The following SDCCAG8 variants were observed in gnomAD, a reference collection of about 807,000 sequenced individuals.
The protein encoded by SDCCAG8 is serologically defined colon cancer antigen 8.
SDCCAG8 carries 74 observed loss-of-function variants against 101.8 expected under a neutral mutation model. The ratio of observed to expected loss-of-function variants is 0.73; its 90% confidence interval spans 0.60 to 0.88. The LOEUF (loss-of-function observed/expected upper bound fraction) is 0.88, where lower values mean the gene tolerates loss of function less well. Among genes scored for constraint, SDCCAG8 ranks in the 40% least tolerant of loss-of-function variants. The pLI is 0.00. For missense variants in SDCCAG8, 787 were observed against 822.6 expected (o/e 0.96, Z 0.53); for synonymous variants, 281 against 292.9 (o/e 0.96, Z 0.41).
chr1:243,436,972 C>T (rs1335054100), intron 16 of SDCCAG8, among the ~76,000 whole-genome samples: 3 of 152,054 alleles, frequency 2.0e-5, no homozygotes, highest in Non-Finnish European at 4.4e-5. Flanking sequence ...TGCTGAAAGT[C>T]CCTGAAAAAT....
At chr1:243,348,345 C>T (rs1394655804) in intron 12 of SDCCAG8, among the ~76,000 whole-genome samples, 1 of 151,850 alleles carries the variant, frequency 6.6e-6, no homozygotes, top group Admixed American at 6.6e-5. Context: ...CCACCGCGCC[C>T]GGCCTGGGGC....
chr1:243,390,343 C>T (rs930193963), intron 13 of SDCCAG8, among the ~76,000 whole-genome samples: 4 of 152,158 alleles, frequency 2.6e-5, no homozygotes, highest in South Asian at 2.1e-4. Context: ...TTTTAAATTG[C>T]GTCCTCTTTT....
chr1:243,311,777 A>G (rs2072752922), intron 8 of SDCCAG8, among the ~76,000 whole-genome samples: 1 of 151,994 alleles, frequency 6.6e-6, no homozygotes, highest in Admixed American at 6.6e-5. Context: ...TAAAAAAAAA[A>G]ACTCAGCCAA....
intron 12 of SDCCAG8, among the ~76,000 whole-genome samples, chr1:243,375,390 T>C (rs1347774150): frequency 6.6e-6 from 1 of 152,104 alleles, no homozygotes; most frequent in African/African-American, 2.4e-5. Context: ...TGGGCAAATT[T>C]AATCAACAAT....
At chr1:243,447,186 T>G (rs1052504772) in intron 16 of SDCCAG8, among the ~76,000 whole-genome samples, 1 of 138,704 alleles carries the variant, frequency 7.2e-6, no homozygotes, top group African/African-American at 2.7e-5. Context: ...GAGGCAGAGG[T>G]TGCAGTGAGC....
chr1:243,359,479 T>C (rs995941945), intron 12 of SDCCAG8, among the ~76,000 whole-genome samples: 4 of 152,140 alleles, frequency 2.6e-5, no homozygotes, highest in Non-Finnish European at 4.4e-5. Flanking sequence ...ATCCAAGTCA[T>C]ATTTTAGCCC....
intron 17 of SDCCAG8, among the ~76,000 whole-genome samples, chr1:243,494,888 G>A (rs1667405150): frequency 6.6e-6 from 1 of 151,342 alleles, no homozygotes; most frequent in Non-Finnish European, 1.5e-5. Flanking sequence ...TTAAAAGACT[G>A]TAATTCCGTC....
intron 1 of SDCCAG8, among the ~76,000 whole-genome samples, chr1:243,261,960 GC>G (rs2067226525): frequency 5.8e-5 from 8 of 138,528 alleles, no homozygotes; most frequent in Non-Finnish European, 1.1e-4. Context: ...ACAGGCACGT[GC>G]CAACACACCT....
intron 13 of SDCCAG8, among the ~76,000 whole-genome samples, chr1:243,410,307 A>G (rs973701992): frequency 6.6e-6 from 1 of 152,210 alleles, no homozygotes; most frequent in African/African-American, 2.4e-5. Flanking sequence ...TAATCAAGCT[A>G]TCAAAGCTAA....
At chr1:243,430,796 C>A (rs2081693361) in intron 16 of SDCCAG8, among the ~76,000 whole-genome samples, 1 of 152,006 alleles carries the variant, frequency 6.6e-6, no homozygotes, top group East Asian at 1.9e-4. Context: ...GGGAAGAAAT[C>A]AAAAGATTTT....
chr1:243,422,729 A>G (rs2081090922), intron 15 of SDCCAG8, among the ~76,000 whole-genome samples: 1 of 152,232 alleles, frequency 6.6e-6, no homozygotes, highest in Non-Finnish European at 1.5e-5. Context: ...AAGTCAAACT[A>G]GAACCTAAAA....
intron 17 of SDCCAG8, among the ~76,000 whole-genome samples, chr1:243,492,610 T>TTG (rs1558548623): frequency 7.1e-6 from 1 of 140,318 alleles, no homozygotes; most frequent in African/African-American, 2.7e-5. Context: ...AGCTGTTTTT[T>TTG]TTTTTTTTTT....
chr1:243,321,332 C>T (rs1466568377), intron 9 of SDCCAG8, among the ~76,000 whole-genome samples: 1 of 151,854 alleles, frequency 6.6e-6, no homozygotes, highest in Non-Finnish European at 1.5e-5. Context: ...ATGGTGGACC[C>T]AGGTATTGAG....
At chr1:243,292,684 T>C (rs538812404) in intron 5 of SDCCAG8, among the ~76,000 whole-genome samples, 1 of 152,328 alleles carries the variant, frequency 6.6e-6, no homozygotes, top group African/African-American at 2.4e-5. Flanking sequence ...ATATATGACA[T>C]ACATAAAACA....
intron 1 of SDCCAG8, chr1:243,267,570 C>T: frequency 2.1e-6 from 1 of 476,866 alleles, no homozygotes; most frequent in Non-Finnish European, 3.8e-6. Context: ...CCATCGCACT[C>T]CAGCCTGGGC....
At chr1:243,373,135 A>G (rs2147888628) in intron 12 of SDCCAG8, among the ~76,000 whole-genome samples, 1 of 152,108 alleles carries the variant, frequency 6.6e-6, no homozygotes, top group South Asian at 2.1e-4. Context: ...ATTTTTTACT[A>G]TGGATCTTGG....
intron 16 of SDCCAG8, among the ~76,000 whole-genome samples, chr1:243,478,740 T>C (rs941951560): frequency 1.1e-4 from 17 of 152,054 alleles, no homozygotes; most frequent in African/African-American, 3.9e-4. Flanking sequence ...GGGCGGATCA[T>C]GAGATCAAGA....
At chr1:243,320,000 G>T (rs1244074014) in intron 9 of SDCCAG8, among the ~76,000 whole-genome samples, 1 of 151,978 alleles carries the variant, frequency 6.6e-6, no homozygotes, top group African/African-American at 2.4e-5. Context: ...TGTCCAGGCT[G>T]GTCTTCTTTT....
At chr1:243,366,823 G>A (rs1456531854) in intron 12 of SDCCAG8, among the ~76,000 whole-genome samples, 8 of 151,974 alleles carry the variant, frequency 5.3e-5, no homozygotes, top group Non-Finnish European at 1.0e-4. Context: ...GTGTATATGT[G>A]TGTGCACATA....
Sources: gnomAD v4.1 joint callset for allele counts (sites outside exome capture counted in the v4.1 genomes callset) on GRCh38, gnomAD v4.1.1 for gene constraint, MANE v1.5 for transcripts, NCBI Gene and HGNC (gene_info 2026-07-23, HGNC 2026-07-21) for gene names.